The following GALNT7 variants were observed in gnomAD, a reference collection of about 807,000 sequenced individuals.
GALNT7 encodes the protein N-acetylgalactosaminyltransferase 7.
In GALNT7, 60 loss-of-function variants were observed where a neutral mutation model predicts 82.1. The ratio of observed to expected loss-of-function variants is 0.73; its 90% CI spans 0.59 to 0.91. The LOEUF (loss-of-function observed/expected upper bound fraction) is 0.91. GALNT7 is among the 40% of genes least tolerant of loss of function. The pLI is 0.00. For synonymous variants in GALNT7, 243 were observed against 275.1 expected, an observed-to-expected ratio of 0.88 and a Z score of 1.15; for missense variants, 660 against 804.2, an observed-to-expected ratio of 0.82 and a Z score of 2.17.
chr4:173,204,798 C>G (rs1374194273), intron 1 of GALNT7, among the ~76,000 whole-genome samples: 1 of 152,194 alleles, frequency 6.6e-6, no homozygotes. Context: ...GTTCATATAT[C>G]TCCATTTTGG....
intron 1 of GALNT7, among the ~76,000 whole-genome samples, chr4:173,202,708 T>C (rs1732978431): frequency 6.6e-6 from 1 of 152,216 alleles, no homozygotes; most frequent in Non-Finnish European, 1.5e-5. Context: ...ATAAAAGCTA[T>C]CATTTTTCTG....
chr4:173,236,609 T>C (rs995292065), intron 1 of GALNT7, among the ~76,000 whole-genome samples: 2 of 152,208 alleles, frequency 1.3e-5, no homozygotes, highest in South Asian at 2.1e-4. Flanking sequence ...CCTTCTGTTA[T>C]AGCAAATGAT....
At chr4:173,184,372 A>G (rs1301165157) in intron 1 of GALNT7, among the ~76,000 whole-genome samples, 2 of 152,116 alleles carry the variant, frequency 1.3e-5, no homozygotes, top group East Asian at 1.9e-4. Flanking sequence ...TGAGGCTGGC[A>G]GATCACTCGC....
intron 8 of GALNT7, 30 bp from the exon 9 acceptor site, chr4:173,313,928 G>T (rs1055926119): frequency 1.7e-5 from 16 of 943,658 alleles, no homozygotes; most frequent in African/African-American, 8.8e-5. Context: ...TTTTTATAAC[G>T]ATATATATAT....
chr4:173,216,727 A>ATATATATATATTTT (rs71244915), intron 1 of GALNT7, among the ~76,000 whole-genome samples: 3 of 12,980 alleles, frequency 2.3e-4, no homozygotes, highest in African/African-American at 8.4e-4. Flanking sequence ...ATATATATAT[A>ATATATATATATTTT]TTTTTTTTTT....
chr4:173,228,894 ATAATGATCT>A (rs1357266037), intron 1 of GALNT7, among the ~76,000 whole-genome samples: 4 of 152,210 alleles, frequency 2.6e-5, no homozygotes, highest in African/African-American at 9.6e-5. Context: ...TTTGTTGAAA[ATAATGATCT>A]TAGTGAGATC....
chr4:173,308,590 C>T (rs1737245032), intron 8 of GALNT7, among the ~76,000 whole-genome samples: 1 of 152,198 alleles, frequency 6.6e-6, no homozygotes, highest in Non-Finnish European at 1.5e-5. Flanking sequence ...CCTCCATATT[C>T]TCTATCTCTG....
In GALNT7 at chr4:173,293,996, T is replaced by C. The variant is rs992453275; in HGVS notation, c.755-1400T>C. 5.3e-5 allele frequency among the ~76,000 whole-genome samples: 8 copies of C among 152,180 alleles called. No homozygotes were observed. In the South Asian group the frequency reaches 8.3e-4, roughly 16 times the overall value. On this transcript the variant is annotated intron_variant, in intron 3 of 11. Coordinates refer to ENST00000265000, the MANE Select transcript of GALNT7 (RefSeq NM_017423.3). ...AGTCAGTGGGTTAGGGAGGATAATT[T>C]TCATCCGAGGAAGGGCAGTGAATAT...
chr4:173,196,465 A>G (rs1052022888), intron 1 of GALNT7, among the ~76,000 whole-genome samples: 1 of 152,190 alleles, frequency 6.6e-6, no homozygotes, highest in Non-Finnish European at 1.5e-5. Flanking sequence ...AGCATTTTAT[A>G]TATTCTATAA....
At chr4:173,313,932 T>C (rs773201731) in intron 8 of GALNT7, 26 bp from the exon 9 acceptor site, 2 of 1,012,258 alleles carry the variant, frequency 2.0e-6, no homozygotes, top group Admixed American at 2.3e-5. Context: ...TATAACGATA[T>C]ATATATATAT....
intron 8 of GALNT7, among the ~76,000 whole-genome samples, chr4:173,312,683 A>G (rs953488393): frequency 6.6e-6 from 1 of 152,216 alleles, no homozygotes; most frequent in African/African-American, 2.4e-5. Flanking sequence ...TCATTCATCA[A>G]TTAAAGCTTT....
At chr4:173,279,214 A>G (rs1184284452) in intron 2 of GALNT7, among the ~76,000 whole-genome samples, 1 of 152,168 alleles carries the variant, frequency 6.6e-6, no homozygotes, top group Non-Finnish European at 1.5e-5. Context: ...AGGCCTCAGG[A>G]AGCTTACAAT....
chr4:173,276,372 T>C (rs1735913536), intron 2 of GALNT7, among the ~76,000 whole-genome samples: 1 of 152,178 alleles, frequency 6.6e-6, no homozygotes, highest in Non-Finnish European at 1.5e-5. Flanking sequence ...CAGGGATTGA[T>C]TGATAATAAC....
intron 1 of GALNT7, among the ~76,000 whole-genome samples, chr4:173,247,057 C>T (rs1734662733): frequency 6.6e-6 from 1 of 151,846 alleles, no homozygotes; most frequent in South Asian, 2.1e-4. Context: ...ATGCTTAGAC[C>T]AATTGAATCA....
chr4:173,265,520 C>T (rs1735449728), intron 2 of GALNT7, among the ~76,000 whole-genome samples: 2 of 152,038 alleles, frequency 1.3e-5, no homozygotes, highest in Admixed American at 1.3e-4. Context: ...GTTTAGCTCA[C>T]CACCTAGCAC....
chr4:173,183,032 CCACACACATAAACACACA>C (rs1476062759), intron 1 of GALNT7, among the ~76,000 whole-genome samples: 3 of 99,736 alleles, frequency 3.0e-5, no homozygotes, highest in African/African-American at 8.7e-5. Context: ...TACTCATAAT[CCACACACATAAACACACA>C]CACACACACA....
At chr4:173,288,260 G>A (rs1289658733) in intron 2 of GALNT7, among the ~76,000 whole-genome samples, 2 of 133,200 alleles carry the variant, frequency 1.5e-5, no homozygotes, top group Non-Finnish European at 3.0e-5. Flanking sequence ...TCCAGCCTGG[G>A]CGACAGAGCG....
intron 1 of GALNT7, among the ~76,000 whole-genome samples, chr4:173,210,460 C>A (rs1446586978): frequency 4.6e-5 from 7 of 152,214 alleles, no homozygotes; most frequent in Admixed American, 4.6e-4. Flanking sequence ...TTTTTATTTT[C>A]CTTTTTTTTT....
At chr4:173,283,703 T>C (rs150576996) in intron 2 of GALNT7, among the ~76,000 whole-genome samples, 1,798 of 151,792 alleles carry the variant, frequency 0.012, 16 homozygotes, top group Middle Eastern at 0.041. Flanking sequence ...GTACAGGGGC[T>C]GTGTAGACAA....
Sources: allele counts gnomAD v4.1 joint callset (sites outside exome capture counted in the v4.1 genomes callset), GRCh38; gene constraint gnomAD v4.1.1; transcripts MANE v1.5; gene names NCBI Gene and HGNC (gene_info 2026-07-23, HGNC 2026-07-21).